FSTL5: variants seen among roughly 807,000 people sequenced by gnomAD.
FSTL5 encodes follistatin-related protein 5.
In FSTL5, 62 loss-of-function variants were observed where a neutral mutation model predicts 89.1. That is an observed-to-expected ratio of 0.70 (90% confidence interval 0.57 to 0.86). FSTL5 has a LOEUF of 0.86. Among genes scored for constraint, FSTL5 ranks in the 40% least tolerant of loss-of-function variants. The pLI is 0.00. For synonymous variants in FSTL5, 383 were observed against 346.2 expected (o/e 1.11, Z -1.18); for missense variants, 1,057 against 1,001.6 (o/e 1.06, Z -0.75).
rs148605951 is a variant in FSTL5 at position 161,569,822 on chromosome 4, C to T, written c.1015+17633G>A. Among the ~76,000 whole-genome samples, 583 of 150,744 alleles carry T rather than the reference C, an allele frequency of 3.9e-3. 5 individuals carry two copies. The highest frequency in any genetic ancestry group is 0.013 in the African/African-American group (552 of 40,994). On this transcript the variant is annotated intron_variant, in intron 8 of 15. Coordinates refer to ENST00000306100, the MANE Select transcript of FSTL5 (RefSeq NM_020116.5). Reference sequence around the variant, plus strand: ...ACACCCCACATTGTGGCTCTAAGGACTAAATTCTTTTAAGGACAGTATCCT... The same window carrying T: ...ACACCCCACATTGTGGCTCTAAGGATTAAATTCTTTTAAGGACAGTATCCT...
In FSTL5 at chr4:161,971,878, TC is replaced by T. The variant is rs1450502802; in HGVS notation, c.161-51227del. Among the ~76,000 whole-genome samples the T allele has an allele frequency of 4.6e-5, 7 of 152,304 alleles. No individual in the cohort carries two copies. The South Asian group carries it at 8.3e-4, about 18-fold the overall frequency. On this transcript the variant is annotated intron_variant, in intron 3 of 15. Coordinates refer to ENST00000306100, the MANE Select transcript of FSTL5 (RefSeq NM_020116.5). ...TTGAAATTATTCTCTCATTTTTACC[TC>T]ATCCAGTCTGTTTCCCAGTTGATGA...
chr4:161,687,962 T>C (rs1445347903), intron 6 of FSTL5, among the ~76,000 whole-genome samples: 1 of 152,230 alleles, frequency 6.6e-6, no homozygotes, highest in Non-Finnish European at 1.5e-5. Flanking sequence ...TCCTCTGCCA[T>C]GTGTAGACAC....
At chr4:162,033,584 T>C (rs776205851) in intron 3 of FSTL5, 41 bp downstream of exon 3, 43 of 1,080,300 alleles carry the variant, frequency 4.0e-5, no homozygotes, top group Non-Finnish European at 5.8e-5. Context: ...CTTTCTGTTA[T>C]GAACTTATAT....
At chr4:161,537,009 T>C (rs964135944) in intron 10 of FSTL5, among the ~76,000 whole-genome samples, 1 of 152,122 alleles carries the variant, frequency 6.6e-6, no homozygotes, top group Non-Finnish European at 1.5e-5. Flanking sequence ...TCCAGCTTTT[T>C]TTCTCTTTTT....
At chr4:161,395,399 A>G (rs1026954065) in intron 15 of FSTL5, among the ~76,000 whole-genome samples, 1 of 152,224 alleles carries the variant, frequency 6.6e-6, no homozygotes, top group East Asian at 1.9e-4. Context: ...TAAAATATCT[A>G]TGAACACGCA....
chr4:162,043,741 G>A (rs1049158042), intron 2 of FSTL5, among the ~76,000 whole-genome samples: 1 of 152,136 alleles, frequency 6.6e-6, no homozygotes, highest in African/African-American at 2.4e-5. Context: ...CTACGTTTAT[G>A]TAATATTCTA....
At position 161,510,428 on chromosome 4, in the gene FSTL5, C is replaced by A; in HGVS notation, c.1313-4G>T. 6.6e-7 allele frequency: 1 copy of A among 1,520,648 alleles called. No homozygotes were observed. Among genetic ancestry groups the A allele is most frequent in the African/African-American group, 1.4e-5 (1 of 70,692 alleles). 94.2% of individuals were successfully genotyped at this position (1,520,648 alleles called of 1,614,324 possible). On this transcript the variant is annotated splice_region_variant and splice_polypyrimidine_tract_variant and intron_variant, in intron 10 of 15. Coordinates refer to ENST00000306100, the MANE Select transcript of FSTL5 (RefSeq NM_020116.5). ...TCTCTCCATAATATGTTAGCTACTG[C>A]AGCATGTTGAAAGAAAAAGAAGAAA...
intron 6 of FSTL5, among the ~76,000 whole-genome samples, chr4:161,676,305 A>G (rs1413758771): frequency 6.6e-6 from 1 of 152,068 alleles, no homozygotes; most frequent in Non-Finnish European, 1.5e-5. Flanking sequence ...CATATACACC[A>G]CGAAATACTA....
chr4:161,479,012 C>T (rs1729405792), intron 13 of FSTL5, among the ~76,000 whole-genome samples: 2 of 152,078 alleles, frequency 1.3e-5, no homozygotes, highest in East Asian at 1.9e-4. Flanking sequence ...GAAATCTACA[C>T]AATAATTTCC....
chr4:161,606,212 A>C (rs1021950803), intron 7 of FSTL5, among the ~76,000 whole-genome samples: 1 of 150,090 alleles, frequency 6.7e-6, no homozygotes, highest in African/African-American at 2.4e-5. Context: ...CTGACCCCCA[A>C]ATTTTCCAGA....
intron 3 of FSTL5, among the ~76,000 whole-genome samples, chr4:161,982,396 A>T (rs190926339): frequency 8.6e-4 from 131 of 152,370 alleles, no homozygotes; most frequent in South Asian, 2.1e-3. Flanking sequence ...GCACTTAGCA[A>T]TTAGAAAATA....
intron 3 of FSTL5, among the ~76,000 whole-genome samples, chr4:161,974,630 A>G (rs1735580364): frequency 8.1e-6 from 1 of 124,128 alleles, no homozygotes; most frequent in Non-Finnish European, 1.7e-5. Flanking sequence ...TAAACGTTAG[A>G]CCTAAAACCA....
At chr4:161,857,446 G>A (rs766312959) in intron 4 of FSTL5, among the ~76,000 whole-genome samples, 17 of 151,932 alleles carry the variant, frequency 1.1e-4, no homozygotes, top group South Asian at 2.1e-4. Context: ...ATTATTTGTC[G>A]TATTCTTAAC....
intron 8 of FSTL5, among the ~76,000 whole-genome samples, chr4:161,565,229 T>TCATCATCAG (rs1357278272): frequency 6.6e-6 from 1 of 151,572 alleles, no homozygotes; most frequent in Non-Finnish European, 1.5e-5. Flanking sequence ...TTGCCTATCA[T>TCATCATCAG]CATCATCATC....
intron 3 of FSTL5, among the ~76,000 whole-genome samples, chr4:161,921,991 G>A (rs1007534805): frequency 6.6e-6 from 1 of 151,970 alleles, no homozygotes; most frequent in African/African-American, 2.4e-5. Context: ...TTGTTCTTTT[G>A]TAAAGGAAGC....
chr4:161,577,314 A>T (rs530828504), intron 8 of FSTL5, among the ~76,000 whole-genome samples: 3 of 152,190 alleles, frequency 2.0e-5, no homozygotes, highest in African/African-American at 7.2e-5. Flanking sequence ...CCTTTAAGAA[A>T]ATTGACATGA....
intron 8 of FSTL5, among the ~76,000 whole-genome samples, chr4:161,582,806 A>G (rs1733479966): frequency 6.6e-6 from 1 of 152,156 alleles, no homozygotes; most frequent in African/African-American, 2.4e-5. Flanking sequence ...AATACGTCAC[A>G]GTCAGAGAAA....
At chr4:161,444,266 A>G (rs1277487085) in intron 15 of FSTL5, among the ~76,000 whole-genome samples, 1 of 151,960 alleles carries the variant, frequency 6.6e-6, no homozygotes, top group Non-Finnish European at 1.5e-5. Flanking sequence ...AACAGACTTT[A>G]TGAAGTTGGA....
intron 3 of FSTL5, among the ~76,000 whole-genome samples, chr4:161,992,944 GTGTATATC>G (rs1560957792): frequency 5.1e-4 from 3 of 5,828 alleles, no homozygotes; most frequent in African/African-American, 1.1e-3. Flanking sequence ...ATATATATGT[GTGTATATC>G]TATATATATA....
Sources: gnomAD v4.1 joint callset for allele counts (sites outside exome capture counted in the v4.1 genomes callset) on GRCh38, gnomAD v4.1.1 for gene constraint, MANE v1.5 for transcripts, NCBI Gene and HGNC (gene_info 2026-07-23, HGNC 2026-07-21) for gene names.